SATB2: variants seen among roughly 807,000 people sequenced by gnomAD.
SATB2 encodes SATB homeobox 2, also known as DNA-binding protein SATB2.
In SATB2, 1 loss-of-function variant was observed where a neutral mutation model predicts 73.4. The observed-to-expected ratio is 0.01, with a 90% CI of 0.00 to 0.06. The LOEUF (loss-of-function observed/expected upper bound fraction) is 0.06. Among genes scored for constraint, SATB2 ranks in the 10% least tolerant of loss-of-function variants. The probability of loss-of-function intolerance (pLI) is 1.00; values close to 1 mark genes in which losing one functional copy is unlikely to be tolerated. For missense variants in SATB2, 459 were observed against 945.8 expected (o/e 0.49, Z 6.75); for synonymous variants, 397 against 367.0 (o/e 1.08, Z -0.93).
chr2:199,338,111 C>G (rs1223125098), intron 7 of SATB2, among the ~76,000 whole-genome samples: 1 of 152,084 alleles, frequency 6.6e-6, no homozygotes, highest in African/African-American at 2.4e-5. Context: ...CGCCTATAAT[C>G]CCAGCACTTT....
chr2:199,316,273 A>G (rs917375969), intron 9 of SATB2, among the ~76,000 whole-genome samples: 2 of 152,040 alleles, frequency 1.3e-5, no homozygotes, highest in Admixed American at 1.3e-4. Flanking sequence ...TGTCTATTAA[A>G]ATAAATAAAC....
intron 2 of SATB2, 118 bp from the exon 3 acceptor site, chr2:199,433,632 G>T: frequency 1.1e-6 from 1 of 931,534 alleles, no homozygotes; most frequent in Non-Finnish European, 1.7e-6. Context: ...CAGTGGTTTA[G>T]ATTAAACAAG....
rs1365103210 is a variant in SATB2 at position 199,457,293 on chromosome 2, C to T, written c.-60+46G>A. 2 of 151,980 alleles carry T rather than the reference C, an allele frequency of 1.3e-5. No individual in the cohort carries two copies. The highest frequency in any genetic ancestry group is 2.9e-5 in the Non-Finnish European group (2 of 68,016). 9.4% of individuals were successfully genotyped at this position (151,980 alleles called of 1,614,324 possible). A position where few individuals can be genotyped will look rare whatever the true frequency, so the allele number is the denominator to read the frequency against. The stretch of plus-strand genomic sequence containing the variant: ...GGGACTTCGTTGGCCCTGGGCTTCC[C>T]CGAACTCCCGAGCGCGGCGCGGGAG... On this transcript the variant is annotated intron_variant, in intron 1 of 10. Coordinates refer to ENST00000417098, the MANE Select transcript of SATB2 (RefSeq NM_001172509.2). This position sits in a 1 kb window ranked among gnomAD's most constrained non-coding sequence, Gnocchi z 4.8.
chr2:199,377,104 C>G (rs1689627412), intron 5 of SATB2, among the ~76,000 whole-genome samples: 1 of 152,144 alleles, frequency 6.6e-6, no homozygotes, highest in African/African-American at 2.4e-5. Context: ...GGGCCAGGAG[C>G]AGTGGCTCAC....
At chr2:199,384,630 T>C (rs574849612) in intron 3 of SATB2, among the ~76,000 whole-genome samples, 35 of 152,330 alleles carry the variant, frequency 2.3e-4, no homozygotes, top group African/African-American at 8.4e-4. Context: ...TGGGAAGCAG[T>C]ATACCATAGT....
intron 6 of SATB2, among the ~76,000 whole-genome samples, chr2:199,353,124 G>A: frequency 7.1e-6 from 1 of 140,360 alleles, no homozygotes; most frequent in Admixed American, 7.2e-5. Context: ...CACGATTTCA[G>A]AAACCATTTA....
chr2:199,389,680 G>T (rs1446359383), intron 3 of SATB2, among the ~76,000 whole-genome samples: 1 of 152,032 alleles, frequency 6.6e-6, no homozygotes, highest in Non-Finnish European at 1.5e-5. Context: ...CGGTAACACT[G>T]ACAAACACAA....
In SATB2 at chr2:199,271,415, C is replaced by G. The variant is rs1692151068; in HGVS notation, c.*796G>C. 6.9e-6 allele frequency: 1 copy of G among 145,764 alleles called. No individual in the cohort carries two copies. The highest frequency in any genetic ancestry group is 1.6e-5 in the Non-Finnish European group (1 of 64,048). The allele number at this position is 145,764 out of a possible 1,614,324, so 9.0% of individuals were successfully genotyped here. On this transcript the variant is annotated 3_prime_UTR_variant, in exon 11 of 11. Transcript: ENST00000417098. ...GAGTCATTTTAAGTGTGCATTGTGT[C>G]TTTAAGATTTATTTGACTTGTATCA...
At chr2:199,317,281 T>C (rs1410766633) in intron 9 of SATB2, among the ~76,000 whole-genome samples, 1 of 152,036 alleles carries the variant, frequency 6.6e-6, no homozygotes, top group Non-Finnish European at 1.5e-5. Flanking sequence ...GAAGATTAAA[T>C]AGTCTCAACA....
At chr2:199,432,741 C>CT (rs1691539106) in intron 3 of SATB2, among the ~76,000 whole-genome samples, 1 of 152,042 alleles carries the variant, frequency 6.6e-6, no homozygotes, top group Non-Finnish European at 1.5e-5. Flanking sequence ...ACAACAGAAG[C>CT]TCACAACGGG....
At position 199,387,960 on chromosome 2, in the gene SATB2, T is replaced by C. The variant is rs546927560; in HGVS notation, c.347-6140A>G. Among the ~76,000 whole-genome samples, 9 of 152,362 alleles carry C rather than the reference T, an allele frequency of 5.9e-5. No homozygotes were observed. The East Asian group carries it at 1.7e-3, about 29-fold the overall frequency. On this transcript the variant is annotated intron_variant, in intron 3 of 10. Coordinates refer to ENST00000417098, the MANE Select transcript of SATB2 (RefSeq NM_001172509.2). ...AAATATCAATAGTTGTTTGTGTTCA[T>C]GTTTTTGGTATTTATCTCAAAGAAA...
At chr2:199,415,435 ATTGTT>A (rs145133889) in intron 3 of SATB2, among the ~76,000 whole-genome samples, 1 of 152,338 alleles carries the variant, frequency 6.6e-6, no homozygotes, top group Non-Finnish European at 1.5e-5. Context: ...GCTATATAGT[ATTGTT>A]TTAACTTATT....
At position 199,433,530 on chromosome 2, in the gene SATB2, T is replaced by G; in HGVS notation, c.170-16A>C. 1 of 1,613,056 alleles carries G rather than the reference T, an allele frequency of 6.2e-7. No individual in the cohort carries two copies. On this transcript the variant is annotated splice_polypyrimidine_tract_variant and intron_variant, in intron 2 of 10. Coordinates refer to ENST00000417098, the MANE Select transcript of SATB2 (RefSeq NM_001172509.2). ...ATCATCAAACCTGAAGGGACAAAAT[T>G]CAAGAGCAAAACACAAACATTAAAA...
intron 9 of SATB2, 81 bp downstream of exon 9, chr2:199,323,722 G>A: frequency 2.2e-6 from 3 of 1,334,118 alleles, no homozygotes; most frequent in Admixed American, 1.7e-5. Flanking sequence ...ATTATTATAG[G>A]AACAGATGTA....
intron 10 of SATB2, among the ~76,000 whole-genome samples, chr2:199,282,872 C>T (rs1574469067): frequency 6.6e-6 from 1 of 152,166 alleles, no homozygotes; most frequent in South Asian, 2.1e-4. Flanking sequence ...GCACCTGGCA[C>T]AGAAAAGTTG....
chr2:199,379,682 C>CTTTTTTTTT (rs71015899), intron 5 of SATB2, among the ~76,000 whole-genome samples: 42 of 108,050 alleles, frequency 3.9e-4, no homozygotes, highest in Admixed American at 6.8e-4. Context: ...CTTTTCTTTT[C>CTTTTTTTTT]TTTTTTTTTT....
At chr2:199,466,178 C>T (rs1167734793), upstream of SATB2, among the ~76,000 whole-genome samples, 1 of 152,192 alleles carries the variant, frequency 6.6e-6, no homozygotes, top group East Asian at 1.9e-4. Context: ...AAGTGAAGGA[C>T]GTCTCGCGCA....
At chr2:199,318,676 G>A (rs557156909) in intron 9 of SATB2, among the ~76,000 whole-genome samples, 3 of 151,780 alleles carry the variant, frequency 2.0e-5, no homozygotes, top group Non-Finnish European at 2.9e-5. Flanking sequence ...TTAAAATGAG[G>A]CTGTTAAATT....
chr2:199,408,918 C>A (rs1690721349), intron 3 of SATB2, among the ~76,000 whole-genome samples: 1 of 152,084 alleles, frequency 6.6e-6, no homozygotes, highest in South Asian at 2.1e-4. Context: ...TGGAGGAGAG[C>A]ACTGAACATA....
Sources: gnomAD v4.1 joint callset for allele counts (sites outside exome capture counted in the v4.1 genomes callset) on GRCh38, gnomAD v4.1.1 for gene constraint, Gnocchi (gnomAD v3.1) non-coding constraint, MANE v1.5 for transcripts, NCBI Gene and HGNC (gene_info 2026-07-23, HGNC 2026-07-21) for gene names.